Variants in EZR observed in about 807,000 individuals in gnomAD.
The protein encoded by EZR is ezrin, also known as cytovillin 2.
Under a neutral mutation model 74.8 loss-of-function variants are expected in EZR, and 40 were observed. The ratio of observed to expected loss-of-function variants is 0.53; its 90% CI spans 0.42 to 0.70. EZR has a LOEUF of 0.70. EZR is among the 30% of genes least tolerant of loss of function. The pLI, the probability that EZR is intolerant of heterozygous loss-of-function variation, is 0.00. For synonymous variants in EZR, 341 were observed against 283.3 expected, an observed-to-expected ratio of 1.20 and a Z score of -2.05; for missense variants, 678 against 755.8, an observed-to-expected ratio of 0.90 and a Z score of 1.21.
chr6:158,770,965 C>A, intron 9 of EZR, 71 bp from the exon 10 acceptor site: 1 of 1,602,566 alleles, frequency 6.2e-7, no homozygotes, highest in Non-Finnish European at 8.5e-7. Context: ...ACACACTTCA[C>A]GGGTACTTGA....
At chr6:158,810,231 T>G (rs1777425157) in intron 2 of EZR, among the ~76,000 whole-genome samples, 1 of 152,162 alleles carries the variant, frequency 6.6e-6, no homozygotes, top group African/African-American at 2.4e-5. Flanking sequence ...CTTAATGAAG[T>G]TTTACATTTC....
chr6:158,800,401 C>G (rs1381794345), intron 2 of EZR, among the ~76,000 whole-genome samples: 1 of 152,180 alleles, frequency 6.6e-6, no homozygotes, highest in Non-Finnish European at 1.5e-5. Context: ...TTTAAGCTCC[C>G]TTTTTCCTCA....
At chr6:158,776,851 C>T (rs561020854) in intron 7 of EZR, among the ~76,000 whole-genome samples, 11 of 152,274 alleles carry the variant, frequency 7.2e-5, no homozygotes, top group African/African-American at 2.4e-4. Flanking sequence ...TTCATTCCCA[C>T]ATCACATCAC....
chr6:158,808,450 G>A (rs1411644247), intron 2 of EZR, among the ~76,000 whole-genome samples: 1 of 152,190 alleles, frequency 6.6e-6, no homozygotes, highest in Non-Finnish European at 1.5e-5. Flanking sequence ...GGCAGCAAAA[G>A]GACAAACAAC....
chr6:158,769,971 T>G (rs745392413), intron 10 of EZR, 27 bp from the exon 11 acceptor site: 1 of 1,604,556 alleles, frequency 6.2e-7, no homozygotes, highest in Non-Finnish European at 8.5e-7. Flanking sequence ...CCAGAGCCAT[T>G]CAAACCCTCA....
intron 2 of EZR, among the ~76,000 whole-genome samples, chr6:158,814,838 G>T (rs370213623): frequency 3.0e-4 from 45 of 152,140 alleles, no homozygotes; most frequent in Non-Finnish European, 6.0e-4. Context: ...ACTGTGTACC[G>T]CCTCAGTCTT....
chr6:158,770,174 T>G (rs1791057641), intron 10 of EZR, among the ~76,000 whole-genome samples: 1 of 152,162 alleles, frequency 6.6e-6, no homozygotes. Flanking sequence ...AGGCGCCCTC[T>G]CTCTGGCATG....
At chr6:158,775,723 T>C (rs1024913455) in intron 8 of EZR, among the ~76,000 whole-genome samples, 17 of 152,268 alleles carry the variant, frequency 1.1e-4, no homozygotes, top group Admixed American at 1.1e-3. Context: ...CATTCTACAA[T>C]GCTACAGTTA....
chr6:158,816,221 A>C (rs1290989440), intron 2 of EZR, among the ~76,000 whole-genome samples: 2 of 152,236 alleles, frequency 1.3e-5, no homozygotes, highest in African/African-American at 2.4e-5. Flanking sequence ...CAATCTGGGA[A>C]GATAAAGTTC....
At chr6:158,795,539 C>T (rs148788049) in intron 2 of EZR, among the ~76,000 whole-genome samples, 395 of 152,290 alleles carry the variant, frequency 2.6e-3, no homozygotes, top group African/African-American at 9.1e-3. Flanking sequence ...ACTACAGGAC[C>T]AACCCCTGCT....
intron 6 of EZR, 151 bp from the exon 7 acceptor site, chr6:158,783,817 G>A (rs1198569091): frequency 3.3e-5 from 27 of 806,656 alleles, no homozygotes; most frequent in Middle Eastern, 3.5e-4. Flanking sequence ...CCGGGCAGCC[G>A]ACCGGTGAGG....
rs114833200 is a variant in EZR, at chr6:158,768,413, A to G, written c.1345-901T>C. On this transcript the variant is annotated intron_variant, in intron 12 of 13. Transcript: ENST00000367075. ...CCGTTGTGAGAACAGCCTAATACAGATCGGCAGCGGGAATGGGGGCTGGAA... is the reference window on the plus strand; with the variant it reads ...CCGTTGTGAGAACAGCCTAATACAGGTCGGCAGCGGGAATGGGGGCTGGAA... Among the ~76,000 whole-genome samples, 548 of 152,148 alleles carry G rather than the reference A, an allele frequency of 3.6e-3. 5 individuals are homozygous for G. The highest frequency in any genetic ancestry group is 0.013 in the African/African-American group (524 of 41,504).
chr6:158,805,807 A>G (rs936587732), intron 2 of EZR, among the ~76,000 whole-genome samples: 2 of 152,194 alleles, frequency 1.3e-5, no homozygotes, highest in Non-Finnish European at 2.9e-5. Context: ...CATGGTGTAC[A>G]TTTTACAACC....
intron 9 of EZR, 44 bp downstream of exon 9, chr6:158,771,200 T>G (rs776787260): frequency 2.6e-6 from 4 of 1,565,332 alleles, no homozygotes; most frequent in Admixed American, 1.9e-5. Flanking sequence ...AGTGGCTGAG[T>G]TGGGAGAACA....
intron 7 of EZR, among the ~76,000 whole-genome samples, chr6:158,777,679 A>T (rs1791316730): frequency 6.6e-6 from 1 of 152,196 alleles, no homozygotes. Context: ...ACTGATGAGC[A>T]ATACAGGTTT....
chr6:158,772,803 A>C (rs1201184390), intron 8 of EZR, among the ~76,000 whole-genome samples: 1 of 152,202 alleles, frequency 6.6e-6, no homozygotes. Context: ...TAAAACAAAA[A>C]AACAGTGCGA....
intron 2 of EZR, among the ~76,000 whole-genome samples, chr6:158,804,903 TCCCTCCC>T (rs1304594456): frequency 2.5e-4 from 31 of 121,788 alleles, no homozygotes; most frequent in Non-Finnish European, 3.6e-4. Flanking sequence ...CCCGATGCTA[TCCCTCCC>T]CCCTCCCCCC....
At chr6:158,810,132 C>T (rs985802935) in intron 2 of EZR, among the ~76,000 whole-genome samples, 3 of 152,084 alleles carry the variant, frequency 2.0e-5, no homozygotes, top group Non-Finnish European at 4.4e-5. Context: ...ACTGGTTCCT[C>T]TCCTATCAAT....
chr6:158,798,211 T>C (rs1777113613), intron 2 of EZR, among the ~76,000 whole-genome samples: 1 of 54,796 alleles, frequency 1.8e-5, no homozygotes, highest in Admixed American at 1.4e-4. Flanking sequence ...CTGTCACTTC[T>C]GTCTACCCAT....
Sources: allele counts gnomAD v4.1 joint callset (sites outside exome capture counted in the v4.1 genomes callset), GRCh38; gene constraint gnomAD v4.1.1; transcripts MANE v1.5; gene names NCBI Gene and HGNC (gene_info 2026-07-23, HGNC 2026-07-21).